PACRG: variants seen among roughly 807,000 people sequenced by gnomAD.
The protein encoded by PACRG is parkin coregulated.
A neutral mutation model predicts 29.7 loss-of-function variants in PACRG; 29 were observed. The ratio of observed to expected loss-of-function variants is 0.98; its 90% confidence interval spans 0.73 to 1.33. The LOEUF is 1.33. Ranked by LOEUF, PACRG falls within the 40% of genes most tolerant of loss-of-function variation. The pLI is 0.00. For missense variants in PACRG, 279 were observed against 316.2 expected, an observed-to-expected ratio of 0.88 and a Z score of 0.89; for synonymous variants, 116 against 118.7, an observed-to-expected ratio of 0.98 and a Z score of 0.15.
rs138307530 is a variant in PACRG, at chr6:162,740,553, C to T, written c.156+12162C>T. 8.2e-3 allele frequency among the ~76,000 whole-genome samples: 1,179 copies of T among 144,368 alleles called. 17 individuals are homozygous for T. Among genetic ancestry groups the T allele is most frequent in the African/African-American group, 0.029 (1,115 of 38,808 alleles). The allele number at this position is 144,368 out of a possible 152,430, so 94.7% of individuals were successfully genotyped here. On this transcript the variant is annotated intron_variant, in intron 1 of 4. Transcript: ENST00000366888. ...GGATGGTCTTGATCTCCTGACCTCG[C>T]GATCCACCTGCCTTTGGCCTCCCAA...
At chr6:162,830,617 G>A (rs1456949558) in intron 2 of PACRG, among the ~76,000 whole-genome samples, 4 of 152,236 alleles carry the variant, frequency 2.6e-5, no homozygotes, top group Non-Finnish European at 4.4e-5. Flanking sequence ...TTTGTCTGTG[G>A]CTCTCGCTAC....
At chr6:163,046,537 T>C (rs1295830378) in intron 2 of PACRG, 3 of 152,002 alleles carry the variant, frequency 2.0e-5, no homozygotes, top group African/African-American at 7.2e-5. Context: ...CTCCGTTACA[T>C]TTCCACCAGT....
intron 4 of PACRG, among the ~76,000 whole-genome samples, chr6:163,162,244 G>A (rs1390199747): frequency 1.3e-5 from 2 of 152,230 alleles, no homozygotes; most frequent in African/African-American, 2.4e-5. Flanking sequence ...GTGAAGTGTG[G>A]TCAGGGAGAG....
intron 2 of PACRG, among the ~76,000 whole-genome samples, chr6:162,975,741 A>G (rs776257914): frequency 1.3e-5 from 2 of 151,114 alleles, no homozygotes; most frequent in Non-Finnish European, 2.9e-5. Flanking sequence ...AAAAAAATTC[A>G]AATAAAATCT....
rs1018151099 is a variant in PACRG, at chr6:162,860,150, A to G, written c.291+45869A>G. 4.6e-5 allele frequency among the ~76,000 whole-genome samples: 7 copies of G among 152,202 alleles called. No homozygotes were observed. In the East Asian group the frequency reaches 1.3e-3, roughly 29 times the overall value. On this transcript the variant is annotated intron_variant, in intron 2 of 4. Transcript: ENST00000366888. Reference sequence around the variant, plus strand: ...TTTCTTATTTTAACTAATTTATATCATCTATAAAGGGAAGCAAATATTAAC... The same window carrying G: ...TTTCTTATTTTAACTAATTTATATCGTCTATAAAGGGAAGCAAATATTAAC...
At chr6:163,086,479 T>C (rs1813569681) in intron 3 of PACRG, among the ~76,000 whole-genome samples, 1 of 152,162 alleles carries the variant, frequency 6.6e-6, no homozygotes, top group South Asian at 2.1e-4. Context: ...TATGGTTATA[T>C]TTAGGTTGGT....
At chr6:163,267,919 G>A (rs1252371923) in intron 4 of PACRG, among the ~76,000 whole-genome samples, 4 of 152,126 alleles carry the variant, frequency 2.6e-5, no homozygotes, top group Non-Finnish European at 5.9e-5. Flanking sequence ...ACCCAAATGA[G>A]TTACTTTTAA....
intron 4 of PACRG, among the ~76,000 whole-genome samples, chr6:163,276,485 C>T (rs1002998016): frequency 6.6e-6 from 1 of 152,152 alleles, no homozygotes; most frequent in Non-Finnish European, 1.5e-5. Context: ...GAGGGACAGA[C>T]CAGCTTCTAA....
intron 2 of PACRG, among the ~76,000 whole-genome samples, chr6:163,026,178 AG>A (rs1361628851): frequency 6.6e-6 from 1 of 152,256 alleles, no homozygotes; most frequent in African/African-American, 2.4e-5. Flanking sequence ...ATTTGATAAA[AG>A]GGAACAACAT....
chr6:163,023,471 A>G (rs1806833592), intron 2 of PACRG, among the ~76,000 whole-genome samples: 1 of 152,048 alleles, frequency 6.6e-6, no homozygotes, highest in African/African-American at 2.4e-5. Flanking sequence ...TATCCACTCC[A>G]CTGTTGATGG....
chr6:163,148,958 TGGCG>T (rs1562939519), intron 4 of PACRG, among the ~76,000 whole-genome samples: 23 of 2,488 alleles, frequency 9.2e-3, no homozygotes, highest in African/African-American at 0.037. Context: ...GAAAAATCTA[TGGCG>T]GGGGGGGGGG....
chr6:163,302,801 GT>G (rs1163026428), intron 4 of PACRG, among the ~76,000 whole-genome samples: 1 of 152,174 alleles, frequency 6.6e-6, no homozygotes, highest in Non-Finnish European at 1.5e-5. Flanking sequence ...CGATTGGTGA[GT>G]TTATCCATTT....
At chr6:162,794,356 T>G (rs1584378759) in intron 1 of PACRG, among the ~76,000 whole-genome samples, 1 of 152,322 alleles carries the variant, frequency 6.6e-6, no homozygotes, top group Admixed American at 6.5e-5. Context: ...ATACTAATTT[T>G]TATTGATTAT....
intron 2 of PACRG, among the ~76,000 whole-genome samples, chr6:162,981,305 A>ATATATATATATATTTTTTTT (rs925663285): frequency 2.9e-4 from 44 of 149,156 alleles, no homozygotes; most frequent in African/African-American, 8.4e-4. Context: ...ATATATATAT[A>ATATATATATATATTTTTTTT]TTTACAATGG....
intron 1 of PACRG, among the ~76,000 whole-genome samples, chr6:162,730,596 C>T (rs1779688137): frequency 6.6e-6 from 1 of 152,060 alleles, no homozygotes; most frequent in African/African-American, 2.4e-5. Context: ...ATCAAATGGG[C>T]TGTGCAAGCA....
chr6:162,741,246 G>A (rs1301488444), intron 1 of PACRG, among the ~76,000 whole-genome samples: 6 of 152,104 alleles, frequency 3.9e-5, no homozygotes, highest in African/African-American at 1.2e-4. Context: ...TCAAAACTGT[G>A]TGTTATTGCT....
intron 1 of PACRG, among the ~76,000 whole-genome samples, chr6:162,748,247 T>A (rs1286877844): frequency 6.6e-6 from 1 of 152,124 alleles, no homozygotes; most frequent in Non-Finnish European, 1.5e-5. Context: ...TTCCAGCACT[T>A]TGGGAGGCCG....
At chr6:163,160,198 T>C (rs1284449507) in intron 4 of PACRG, among the ~76,000 whole-genome samples, 1 of 152,196 alleles carries the variant, frequency 6.6e-6, no homozygotes, top group Admixed American at 6.5e-5. Flanking sequence ...TTTCTTAATT[T>C]TGACAGTTAA....
intron 4 of PACRG, among the ~76,000 whole-genome samples, chr6:163,281,048 A>G (rs114745440): frequency 0.011 from 1,701 of 152,230 alleles, 34 homozygotes; most frequent in African/African-American, 0.039. Flanking sequence ...GAGATGAGCA[A>G]GATGGGTAGG....
Sources: gnomAD v4.1 joint callset for allele counts (sites outside exome capture counted in the v4.1 genomes callset) on GRCh38, gnomAD v4.1.1 for gene constraint, MANE v1.5 for transcripts, NCBI Gene and HGNC (gene_info 2026-07-23, HGNC 2026-07-21) for gene names.